Variants in CHCHD3 observed in about 807,000 individuals in gnomAD.
CHCHD3 encodes coiled-coil-helix-coiled-coil-helix domain containing 3.
In CHCHD3, 20 loss-of-function variants were observed where a neutral mutation model predicts 38.2. That is an observed-to-expected ratio of 0.52 (90% CI 0.37 to 0.76). The LOEUF is 0.76. Ranked by LOEUF, CHCHD3 falls within the 30% of genes least tolerant of loss-of-function variation. The pLI, the probability that CHCHD3 is intolerant of heterozygous loss-of-function variation, is 0.00. For missense variants in CHCHD3, 245 were observed against 279.2 expected (o/e 0.88, Z 0.87); for synonymous variants, 82 against 100.0 (o/e 0.82, Z 1.07).
intron 2 of CHCHD3, among the ~76,000 whole-genome samples, chr7:133,069,125 G>A (rs1027184168): frequency 3.3e-5 from 5 of 152,080 alleles, no homozygotes; most frequent in Admixed American, 6.6e-5. Flanking sequence ...CCAAAACAAG[G>A]GTTTCTAACA....
At chr7:132,968,584 CAG>C (rs1811535341) in intron 4 of CHCHD3, among the ~76,000 whole-genome samples, 1 of 152,154 alleles carries the variant, frequency 6.6e-6, no homozygotes, top group Non-Finnish European at 1.5e-5. Context: ...CATACATAAC[CAG>C]AGAGAGTTTT....
intron 6 of CHCHD3, among the ~76,000 whole-genome samples, chr7:132,811,189 A>G (rs1012429531): frequency 6.6e-6 from 1 of 152,210 alleles, no homozygotes; most frequent in Non-Finnish European, 1.5e-5. Flanking sequence ...CATCCAAAGA[A>G]AGGCAATCCC....
chr7:132,915,298 G>C (rs181288874), intron 4 of CHCHD3, among the ~76,000 whole-genome samples: 1 of 152,130 alleles, frequency 6.6e-6, no homozygotes, highest in Non-Finnish European at 1.5e-5. Context: ...GGACAACTGG[G>C]AAACACCTTA....
In CHCHD3 at chr7:133,035,730, T is replaced by C. The variant is rs958165764; in HGVS notation, c.170-11103A>G. On this transcript the variant is annotated intron_variant, in intron 2 of 7. Transcript: ENST00000262570. This position sits in a 1 kb window ranked among gnomAD's most constrained non-coding sequence, Gnocchi z 4.7. ...GCTCTCAAACACACAGAATCCATCATCACCCTCAAATGCTGGGACCTTGCC... is the reference window on the plus strand; with the variant it reads ...GCTCTCAAACACACAGAATCCATCACCACCCTCAAATGCTGGGACCTTGCC... 1.2e-6 allele frequency: 2 copies of C among 1,613,384 alleles called. No individual in the cohort carries two copies. Among genetic ancestry groups the C allele is most frequent in the Non-Finnish European group, 1.7e-6 (2 of 1,179,418 alleles).
At chr7:132,861,517 T>C (rs981268543) in intron 5 of CHCHD3, among the ~76,000 whole-genome samples, 1 of 152,222 alleles carries the variant, frequency 6.6e-6, no homozygotes. Context: ...CCCCAGCCCA[T>C]GTCTTGGAAC....
chr7:132,999,880 G>A (rs1812519988), intron 3 of CHCHD3, among the ~76,000 whole-genome samples: 1 of 152,062 alleles, frequency 6.6e-6, no homozygotes. Flanking sequence ...TTTAAGCATT[G>A]ATTAAAGTAT....
rs531176550 is a variant in CHCHD3, at chr7:132,932,789, A to G, written c.369+42380T>C. 2.0e-5 allele frequency among the ~76,000 whole-genome samples: 3 copies of G among 152,316 alleles called. No homozygotes were observed. The East Asian group carries it at 5.8e-4, about 29-fold the overall frequency. On this transcript the variant is annotated intron_variant, in intron 4 of 7. Transcript: ENST00000262570. ...ATTTTTCCACCTGAGCTCCTCTTCT[A>G]AACCATGACTCAGAGCCCTGACTTA... is the stretch of plus-strand genomic sequence containing the variant.
Position 132,857,951 on chromosome 7 carries a change from G to T in CHCHD3, c.454-19482C>A, listed in dbSNP as rs542425572. Among the ~76,000 whole-genome samples, 8 of 152,224 alleles carry T rather than the reference G, an allele frequency of 5.3e-5. No homozygotes were observed. The South Asian group carries it at 1.7e-3, about 32-fold the overall frequency. On this transcript the variant is annotated intron_variant, in intron 5 of 7. Transcript: ENST00000262570. Reference sequence around the variant, plus strand: ...GTCACAGGATAACTCCCGTCTTCTGGGACAGTGCTTCTCCACAAGAAGAAC... The same window carrying T: ...GTCACAGGATAACTCCCGTCTTCTGTGACAGTGCTTCTCCACAAGAAGAAC...
chr7:132,867,444 TAAG>T (rs1808661588), intron 5 of CHCHD3, among the ~76,000 whole-genome samples: 1 of 152,172 alleles, frequency 6.6e-6, no homozygotes, highest in Non-Finnish European at 1.5e-5. Flanking sequence ...CAGATGAGAC[TAAG>T]AAATTAGAGA....
chr7:133,060,605 C>T (rs1364040935), intron 2 of CHCHD3, among the ~76,000 whole-genome samples: 1 of 152,138 alleles, frequency 6.6e-6, no homozygotes, highest in Non-Finnish European at 1.5e-5. Context: ...GAAGGAACAA[C>T]ACGGTCAAAA....
Position 133,035,061 on chromosome 7 carries a change from G to C in CHCHD3, c.170-10434C>G. 6 of 1,613,702 alleles carry C rather than the reference G, an allele frequency of 3.7e-6. No homozygotes were observed. The South Asian group carries it at 4.4e-5, about 12-fold the overall frequency. On this transcript the variant is annotated intron_variant, in intron 2 of 7. Transcript: ENST00000262570. The surrounding 1 kb of genome is among the most constrained non-coding windows in gnomAD (Gnocchi z 4.7). ...GCGCTTAAATTCATCCAACACAAAGGTACTCTTGGGCAGGTGAGCGAAGGG... is the reference window on the plus strand; with the variant it reads ...GCGCTTAAATTCATCCAACACAAAGCTACTCTTGGGCAGGTGAGCGAAGGG...
chr7:133,056,117 G>A (rs1814323937), intron 2 of CHCHD3, among the ~76,000 whole-genome samples: 2 of 151,598 alleles, frequency 1.3e-5, no homozygotes, highest in Non-Finnish European at 1.5e-5. Context: ...CACTGCATTC[G>A]GCCTAGGTAA....
At chr7:132,790,142 C>T (rs1304201867) in intron 7 of CHCHD3, among the ~76,000 whole-genome samples, 1 of 152,184 alleles carries the variant, frequency 6.6e-6, no homozygotes, top group Non-Finnish European at 1.5e-5. Flanking sequence ...GTTCTTTGTT[C>T]CTCCTGCTTT....
At chr7:132,912,704 G>A (rs972858554) in intron 4 of CHCHD3, among the ~76,000 whole-genome samples, 5 of 152,062 alleles carry the variant, frequency 3.3e-5, no homozygotes, top group South Asian at 2.1e-4. Context: ...ACAGGCGTGC[G>A]CCACCACACC....
At chr7:132,901,338 G>A (rs1249571738) in intron 4 of CHCHD3, among the ~76,000 whole-genome samples, 1 of 151,916 alleles carries the variant, frequency 6.6e-6, no homozygotes, top group African/African-American at 2.4e-5. Flanking sequence ...CTCAAAGCAC[G>A]AGTCATCTGA....
intron 2 of CHCHD3, among the ~76,000 whole-genome samples, chr7:133,055,869 G>C (rs2117509980): frequency 6.6e-6 from 1 of 152,096 alleles, no homozygotes; most frequent in African/African-American, 2.4e-5. Context: ...TAGAGCCAGG[G>C]CAGTGGCTCA....
chr7:133,014,653 T>A (rs1462689549), intron 3 of CHCHD3, among the ~76,000 whole-genome samples: 1 of 147,996 alleles, frequency 6.8e-6, no homozygotes, highest in Non-Finnish European at 1.5e-5. Flanking sequence ...AATAACAGAA[T>A]AAGCCAGTCT....
Position 133,005,525 on chromosome 7 carries a change from A to G in CHCHD3, c.251+19021T>C, listed in dbSNP as rs193071204. 3.2e-3 allele frequency among the ~76,000 whole-genome samples: 495 copies of G among 152,374 alleles called. 3 individuals are homozygous for G. In the South Asian group the frequency reaches 0.037, roughly 12 times the overall value. The stretch of plus-strand genomic sequence containing the variant: ...TACAGAATCAAGAAACAAAAATCAC[A>G]AAAGTATACGCTATATAATTTTTTA... On this transcript the variant is annotated intron_variant, in intron 3 of 7. Coordinates refer to ENST00000262570, the MANE Select transcript of CHCHD3 (RefSeq NM_017812.4).
rs763213652 is a variant in CHCHD3, at chr7:132,854,561, G to C, written c.454-16092C>G. ...GCAACCACAAGGTCAATACAGATGA[G>C]AGAGTGGGGATTAATTTTCAAAAGG... On this transcript the variant is annotated intron_variant, in intron 5 of 7. Coordinates refer to ENST00000262570, the MANE Select transcript of CHCHD3 (RefSeq NM_017812.4). 4.6e-5 allele frequency among the ~76,000 whole-genome samples: 7 copies of C among 152,166 alleles called. No homozygotes were observed. In the South Asian group the frequency reaches 8.3e-4, roughly 18 times the overall value.
Sources: gnomAD v4.1 joint callset for allele counts (sites outside exome capture counted in the v4.1 genomes callset) on GRCh38, gnomAD v4.1.1 for gene constraint, Gnocchi (gnomAD v3.1) non-coding constraint, MANE v1.5 for transcripts, NCBI Gene and HGNC (gene_info 2026-07-23, HGNC 2026-07-21) for gene names.